The following BMPER variants were observed in gnomAD, a reference collection of about 807,000 sequenced individuals.
BMPER encodes the protein BMP binding endothelial regulator, also known as BMP-binding endothelial regulator protein.
Under a neutral mutation model 87.3 loss-of-function variants are expected in BMPER, and 45 were observed. The ratio of observed to expected loss-of-function variants is 0.52; its 90% CI spans 0.41 to 0.66. BMPER has a LOEUF of 0.66. Among genes scored for constraint, BMPER ranks in the 30% least tolerant of loss-of-function variants. The pLI is 0.00. For missense variants in BMPER, 784 were observed against 867.5 expected (o/e 0.90, Z 1.21); for synonymous variants, 326 against 316.2 (o/e 1.03, Z -0.33).
chr7:34,119,976 T>C (rs1044669649), intron 13 of BMPER, among the ~76,000 whole-genome samples: 1 of 152,114 alleles, frequency 6.6e-6, no homozygotes, highest in East Asian at 1.9e-4. Context: ...AAAAGTGATA[T>C]TAGAAATAAT....
chr7:34,095,439 G>C (rs1789503882), intron 13 of BMPER, among the ~76,000 whole-genome samples: 1 of 152,214 alleles, frequency 6.6e-6, no homozygotes, highest in South Asian at 2.1e-4. Context: ...GAAGACCCTT[G>C]AAAGGGGAAG....
intron 13 of BMPER, among the ~76,000 whole-genome samples, chr7:34,095,620 C>A (rs2041802): frequency 0.98 from 149,141 of 152,348 alleles, 73,095 homozygotes; most frequent in East Asian, 1. Context: ...GTTCTCTCCT[C>A]TGAGAAAAGT....
At chr7:34,063,723 T>G (rs1788501920) in intron 11 of BMPER, among the ~76,000 whole-genome samples, 1 of 152,172 alleles carries the variant, frequency 6.6e-6, no homozygotes, top group Non-Finnish European at 1.5e-5. Flanking sequence ...TGAGGAAACT[T>G]TGTTTATGGA....
chr7:34,064,183 T>C (rs1278422776), intron 11 of BMPER, among the ~76,000 whole-genome samples: 1 of 151,848 alleles, frequency 6.6e-6, no homozygotes, highest in Non-Finnish European at 1.5e-5. Flanking sequence ...CCCAGCTACT[T>C]GGGAGGCTGA....
intron 10 of BMPER, 73 bp from the exon 11 acceptor site, chr7:34,061,929 T>C (rs2127965310): frequency 1.6e-6 from 2 of 1,257,088 alleles, no homozygotes; most frequent in East Asian, 4.8e-5. Flanking sequence ...TTTAAAAAGA[T>C]ATTTGTCCTC....
chr7:34,101,679 G>A lies in BMPER; in HGVS notation c.1745+15587G>A, dbSNP rs190817315. On this transcript the variant is annotated intron_variant, in intron 13 of 14. Coordinates refer to ENST00000649409, the MANE Select transcript of BMPER (RefSeq NM_001365308.1). Reference sequence around the variant, plus strand: ...CTGGACCCTTTCATCCCTGCTCTCTGATTCCTGGGGTCTGTCCTTCAGTTC... The same window carrying A: ...CTGGACCCTTTCATCCCTGCTCTCTAATTCCTGGGGTCTGTCCTTCAGTTC... Among the ~76,000 whole-genome samples the A allele has an allele frequency of 2.2e-3, 336 of 152,308 alleles. 7 individuals are homozygous for A. Among genetic ancestry groups the A allele is most frequent in the South Asian group, 3.3e-3 (16 of 4,818 alleles).
At chr7:34,136,550 T>C (rs554170024) in intron 13 of BMPER, among the ~76,000 whole-genome samples, 4 of 152,286 alleles carry the variant, frequency 2.6e-5, no homozygotes, top group Non-Finnish European at 4.4e-5. Context: ...GACTCTGTCT[T>C]CCCTATCTTC....
intron 13 of BMPER, among the ~76,000 whole-genome samples, chr7:34,112,285 G>C (rs182006147): frequency 6.6e-6 from 1 of 151,702 alleles, no homozygotes; most frequent in Non-Finnish European, 1.5e-5. Context: ...ACAAGGTCAG[G>C]AGATTGAGAC....
chr7:34,067,453 C>T (rs1224646308), intron 11 of BMPER, among the ~76,000 whole-genome samples: 2 of 152,100 alleles, frequency 1.3e-5, no homozygotes, highest in Non-Finnish European at 2.9e-5. Flanking sequence ...TCTCCACTGA[C>T]AGAGGTTCTG....
chr7:33,969,634 C>A (rs1338567109), intron 4 of BMPER, among the ~76,000 whole-genome samples: 1 of 152,192 alleles, frequency 6.6e-6, no homozygotes, highest in Non-Finnish European at 1.5e-5. Flanking sequence ...CTCCTGACTT[C>A]GTGATCCGCC....
chr7:33,972,411 C>T (rs960155439), intron 5 of BMPER, among the ~76,000 whole-genome samples: 1 of 152,180 alleles, frequency 6.6e-6, no homozygotes, highest in Non-Finnish European at 1.5e-5. Flanking sequence ...TCTATTTCAG[C>T]AGTTGAAGTT....
At chr7:34,086,119 T>C (rs1253099162) in intron 13 of BMPER, 27 bp downstream of exon 13, 1 of 1,608,948 alleles carries the variant, frequency 6.2e-7, no homozygotes, top group South Asian at 1.1e-5. Context: ...GGGGAATGGT[T>C]TTGGGTTGCA....
At chr7:34,117,048 T>C (rs1037496911) in intron 13 of BMPER, among the ~76,000 whole-genome samples, 6 of 152,028 alleles carry the variant, frequency 3.9e-5, no homozygotes, top group Non-Finnish European at 8.8e-5. Flanking sequence ...CTCTTTCTCC[T>C]TAATGGGTAT....
At chr7:34,101,053 C>T (rs1411933914) in intron 13 of BMPER, among the ~76,000 whole-genome samples, 1 of 152,188 alleles carries the variant, frequency 6.6e-6, no homozygotes, top group Non-Finnish European at 1.5e-5. Context: ...AAGGTCCGGA[C>T]ATGATCTTTG....
At chr7:34,144,906 A>G (rs535442446) in intron 14 of BMPER, among the ~76,000 whole-genome samples, 2 of 152,312 alleles carry the variant, frequency 1.3e-5, no homozygotes, top group South Asian at 4.1e-4. Flanking sequence ...TGACTCCACA[A>G]TGTCTACATT....
intron 13 of BMPER, among the ~76,000 whole-genome samples, chr7:34,130,091 A>G (rs1460385281): frequency 6.6e-6 from 1 of 151,926 alleles, no homozygotes; most frequent in East Asian, 1.9e-4. Context: ...TTATGTCACC[A>G]GTTACCCAAA....
chr7:33,991,430 G>A (rs1041516183), intron 6 of BMPER, among the ~76,000 whole-genome samples: 2 of 152,014 alleles, frequency 1.3e-5, no homozygotes, highest in African/African-American at 2.4e-5. Context: ...TTCTCTGATG[G>A]TAGTTTGTAT....
At chr7:33,927,777 C>T (rs1784394504) in intron 2 of BMPER, among the ~76,000 whole-genome samples, 1 of 152,170 alleles carries the variant, frequency 6.6e-6, no homozygotes, top group Non-Finnish European at 1.5e-5. Flanking sequence ...GCCTTCTGAG[C>T]CCCGGATCCT....
At chr7:33,974,578 A>T in intron 5 of BMPER, 124 bp from the exon 6 acceptor site, 1 of 955,768 alleles carries the variant, frequency 1.0e-6, no homozygotes, top group Non-Finnish European at 1.7e-6. Flanking sequence ...AATCTTGTCC[A>T]CTGGTTGAAG....
Sources: allele counts gnomAD v4.1 joint callset (sites outside exome capture counted in the v4.1 genomes callset), GRCh38; gene constraint gnomAD v4.1.1; transcripts MANE v1.5; gene names NCBI Gene and HGNC (gene_info 2026-07-23, HGNC 2026-07-21).